The following PPARGC1A variants were observed in gnomAD, a reference collection of about 807,000 sequenced individuals.
The protein encoded by PPARGC1A is PPARG coactivator 1 alpha, also known as peroxisome proliferator-activated receptor gamma coactivator 1-alpha.
PPARGC1A carries 25 observed loss-of-function variants against 88.7 expected under a neutral mutation model. The observed-to-expected ratio is 0.28, with a 90% CI of 0.21 to 0.39. The LOEUF (loss-of-function observed/expected upper bound fraction) is 0.39. Among genes scored for constraint, PPARGC1A ranks in the 10% least tolerant of loss-of-function variants. The probability of loss-of-function intolerance (pLI) is 1.00; values close to 1 mark genes in which losing one functional copy is unlikely to be tolerated. For missense variants in PPARGC1A, 880 were observed against 968.7 expected (o/e 0.91, Z 1.22); for synonymous variants, 363 against 355.6 (o/e 1.02, Z -0.24).
intron 2 of PPARGC1A, among the ~76,000 whole-genome samples, chr4:23,855,996 T>C (rs1366585917): frequency 6.6e-6 from 1 of 152,176 alleles, no homozygotes; most frequent in African/African-American, 2.4e-5. Flanking sequence ...AATAAATAAA[T>C]TACTGCACTA....
the PPARGC1A span, among the ~76,000 whole-genome samples, chr4:24,426,079 G>A: frequency 6.6e-6 from 1 of 152,248 alleles, no homozygotes; most frequent in Admixed American, 6.5e-5. Flanking sequence ...CATAAATATG[G>A]TTTAAAATTA....
chr4:24,415,546 TC>T, the PPARGC1A span, among the ~76,000 whole-genome samples: 1 of 152,164 alleles, frequency 6.6e-6, no homozygotes, highest in Non-Finnish European at 1.5e-5. Context: ...AGAAAAGGGT[TC>T]CCACTTACAA....
chr4:23,917,457 G>A, the PPARGC1A span, among the ~76,000 whole-genome samples: 2 of 151,422 alleles, frequency 1.3e-5, no homozygotes, highest in South Asian at 2.1e-4. Flanking sequence ...CCGAGTAGCT[G>A]GGACTACAGG....
At chr4:23,890,718 T>C (rs2148855726), upstream of PPARGC1A, among the ~76,000 whole-genome samples, 1 of 147,338 alleles carries the variant, frequency 6.8e-6, no homozygotes, top group Middle Eastern at 3.5e-3. Context: ...CAGTAGGGAA[T>C]ACCAGCTCCC....
At chr4:24,076,801 T>C in the PPARGC1A span, among the ~76,000 whole-genome samples, 4 of 152,292 alleles carry the variant, frequency 2.6e-5, no homozygotes, top group South Asian at 8.3e-4. Flanking sequence ...CCCATTCACA[T>C]ACATTAATAT....
Position 23,884,942 on chromosome 4 carries a change from C to CA in PPARGC1A, c.55-12dup. The stretch of plus-strand genomic sequence containing the variant: ...AACCAGAGCAGCACACTGCAGGAGG[C>CA]AGAAAAAAAAAATTTAAAAAAGCTT... On this transcript the variant is annotated splice_polypyrimidine_tract_variant and intron_variant, in intron 1 of 12. Transcript: ENST00000264867. 1 of 1,521,804 alleles carries CA rather than the reference C, an allele frequency of 6.6e-7. No homozygotes were observed. The allele number at this position is 1,521,804 out of a possible 1,614,324, so 94.3% of individuals were successfully genotyped here.
chr4:24,111,558 A>G, the PPARGC1A span, among the ~76,000 whole-genome samples: 1 of 152,180 alleles, frequency 6.6e-6, no homozygotes, highest in Non-Finnish European at 1.5e-5. Context: ...TTCACATTAA[A>G]TTAAATTGAT....
chr4:24,466,373 T>C, the PPARGC1A span, among the ~76,000 whole-genome samples: 5 of 152,216 alleles, frequency 3.3e-5, no homozygotes, highest in Non-Finnish European at 5.9e-5. Flanking sequence ...TTCTTCTGTG[T>C]TGTAGCAGAA....
the PPARGC1A span, among the ~76,000 whole-genome samples, chr4:24,225,063 T>A: frequency 6.6e-6 from 1 of 151,976 alleles, no homozygotes. Context: ...CAGAGACAAT[T>A]TGAAGATCAC....
the PPARGC1A span, among the ~76,000 whole-genome samples, chr4:23,961,164 A>G: frequency 3.9e-5 from 6 of 152,128 alleles, no homozygotes; most frequent in African/African-American, 1.4e-4. Context: ...TCACCTCCTA[A>G]CAGTACTATC....
the PPARGC1A span, among the ~76,000 whole-genome samples, chr4:24,420,191 A>G: frequency 1.3e-5 from 2 of 152,222 alleles, no homozygotes; most frequent in Non-Finnish European, 2.9e-5. Context: ...ACGTGGGGAT[A>G]CACAACCTAA....
chr4:23,833,892 C>G (rs183813303), intron 2 of PPARGC1A, among the ~76,000 whole-genome samples: 4 of 152,180 alleles, frequency 2.6e-5, no homozygotes, highest in Admixed American at 2.6e-4. Context: ...TTGCAGGGCA[C>G]GGTGGCTCAT....
chr4:24,333,821 C>G, the PPARGC1A span, among the ~76,000 whole-genome samples: 1 of 150,408 alleles, frequency 6.6e-6, no homozygotes, highest in South Asian at 2.1e-4. Flanking sequence ...GTAACCCCAT[C>G]TACTCAGGAG....
chr4:24,396,207 C>G, the PPARGC1A span, among the ~76,000 whole-genome samples: 2 of 152,108 alleles, frequency 1.3e-5, no homozygotes, highest in African/African-American at 4.8e-5. Context: ...CCAACCTGCT[C>G]CAGAGCAGGT....
chr4:23,854,152 TGACA>T (rs1729782653), intron 2 of PPARGC1A, among the ~76,000 whole-genome samples: 1 of 152,186 alleles, frequency 6.6e-6, no homozygotes, highest in African/African-American at 2.4e-5. Flanking sequence ...ATACAACTAA[TGACA>T]CAAGGCCATG....
At chr4:23,912,833 G>A in the PPARGC1A span, among the ~76,000 whole-genome samples, 1 of 150,776 alleles carries the variant, frequency 6.6e-6, no homozygotes, top group South Asian at 2.1e-4. Context: ...CTGTCGCCCA[G>A]GCTGGAGTGC....
chr4:24,329,942 G>C, the PPARGC1A span, among the ~76,000 whole-genome samples: 1 of 152,100 alleles, frequency 6.6e-6, no homozygotes, highest in Non-Finnish European at 1.5e-5. Context: ...AATCATTCTG[G>C]CACAAGGATT....
At chr4:24,439,575 G>A in the PPARGC1A span, among the ~76,000 whole-genome samples, 50 of 152,160 alleles carry the variant, frequency 3.3e-4, 1 homozygote, top group Non-Finnish European at 2.4e-4. Context: ...GTCATACCTA[G>A]GGACTATATG....
chr4:24,376,738 G>A, the PPARGC1A span, among the ~76,000 whole-genome samples: 3 of 152,116 alleles, frequency 2.0e-5, no homozygotes, highest in Non-Finnish European at 4.4e-5. Context: ...TTAGCTGCAC[G>A]AAGTACCAGA....
Sources: allele counts gnomAD v4.1 joint callset (sites outside exome capture counted in the v4.1 genomes callset), GRCh38; gene constraint gnomAD v4.1.1; transcripts MANE v1.5; gene names NCBI Gene and HGNC (gene_info 2026-07-23, HGNC 2026-07-21).